Variants in CDKN2A observed in about 807,000 individuals in gnomAD.
CDKN2A encodes cyclin-dependent kinase inhibitor 2A.
In CDKN2A, 3 loss-of-function variants were observed where a neutral mutation model predicts 11.1. The ratio of observed to expected loss-of-function variants is 0.27; its 90% CI spans 0.12 to 0.70. The LOEUF (loss-of-function observed/expected upper bound fraction) is 0.70. Ranked by LOEUF, CDKN2A falls within the 30% of genes least tolerant of loss-of-function variation. CDKN2A has a pLI of 0.77. For missense variants in CDKN2A, 265 were observed against 233.6 expected (o/e 1.13, Z -0.88); for synonymous variants, 122 against 108.1 (o/e 1.13, Z -0.80).
upstream of CDKN2A, among the ~76,000 whole-genome samples, chr9:21,976,522 C>G (rs1820035400): frequency 6.6e-6 from 1 of 152,068 alleles, no homozygotes; most frequent in Non-Finnish European, 1.5e-5. Context: ...TCGAGACAAG[C>G]CTGACCAACA....
chr9:21,985,977 T>C (rs1291223244), intron 2 of CDKN2A, among the ~76,000 whole-genome samples: 2 of 152,020 alleles, frequency 1.3e-5, no homozygotes, highest in Non-Finnish European at 2.9e-5. Context: ...CATAGTTTAA[T>C]TAGGCACTAT....
At chr9:21,992,776 C>G (rs1205113228) in intron 2 of CDKN2A, among the ~76,000 whole-genome samples, 1 of 151,756 alleles carries the variant, frequency 6.6e-6, no homozygotes, top group East Asian at 1.9e-4. Flanking sequence ...ATATTAAGAA[C>G]TATATTCATA....
intron 2 of CDKN2A, among the ~76,000 whole-genome samples, chr9:21,993,373 A>G (rs1413890182): frequency 1.3e-5 from 2 of 152,194 alleles, no homozygotes; most frequent in Non-Finnish European, 2.9e-5. Context: ...TCATTTTTAA[A>G]CTGTGCTAAC....
intron 1 of CDKN2A, among the ~76,000 whole-genome samples, chr9:21,973,884 C>G (rs1408250617): frequency 6.6e-6 from 1 of 152,068 alleles, no homozygotes; most frequent in Non-Finnish European, 1.5e-5. Context: ...ATTTTTCTCT[C>G]TCTCTTTCTC....
At position 21,971,431 on chromosome 9, in the gene CDKN2A, C is replaced by CAA; in HGVS notation, c.151-224_151-223insTT. ...ATCCTCCGAACTTCTGCGGAGCTGT[C>CAA]GTCACAGGCAGAGAGCACTGTGAGG... On this transcript the variant is annotated intron_variant, in intron 1 of 2. Transcript: ENST00000304494. The CAA allele has an allele frequency of 3.6e-6, 5 of 1,399,328 alleles. No individual in the cohort carries two copies. In the African/African-American group the frequency reaches 4.3e-5, roughly 12 times the overall value. The allele number at this position is 1,399,328 out of a possible 1,614,324, so 86.7% of individuals were successfully genotyped here.
At chr9:21,977,904 C>T (rs1820079351), upstream of CDKN2A, among the ~76,000 whole-genome samples, 1 of 151,874 alleles carries the variant, frequency 6.6e-6, no homozygotes, top group South Asian at 2.1e-4. Flanking sequence ...ATATATATAG[C>T]TATTGGTGAA....
chr9:21,992,575 C>G (rs1235520289), intron 2 of CDKN2A: 2 of 426,316 alleles, frequency 4.7e-6, no homozygotes, highest in Non-Finnish European at 6.3e-6. Context: ...AATATTTTCT[C>G]TAACTTAAAA....
intron 2 of CDKN2A, among the ~76,000 whole-genome samples, chr9:21,983,166 A>C (rs1041773250): frequency 1.3e-5 from 2 of 152,192 alleles, no homozygotes; most frequent in East Asian, 3.9e-4. Flanking sequence ...GAACTCAAAG[A>C]CACGCAAAGT....
Position 21,968,135 on chromosome 9 carries a change from G to T in CDKN2A, c.*94C>A, listed in dbSNP as rs2131078708. On this transcript the variant is annotated 3_prime_UTR_variant, in exon 3 of 3. Transcript: ENST00000304494. The surrounding 1 kb of genome is among the most constrained non-coding windows in gnomAD (Gnocchi z 4.7). ...TTCTAAATGAAAACTACGAAAGCGGGGTGGGTTGTGGCGGGGGCAGTTGTG... is the reference window on the plus strand; with the variant it reads ...TTCTAAATGAAAACTACGAAAGCGGTGTGGGTTGTGGCGGGGGCAGTTGTG... The T allele has an allele frequency of 9.6e-7, 1 of 1,042,326 alleles. No individual in the cohort carries two copies. Among genetic ancestry groups the T allele is most frequent in the Non-Finnish European group, 1.5e-6 (1 of 657,864 alleles). 64.6% of individuals were successfully genotyped at this position (1,042,326 alleles called of 1,614,324 possible).
intron 2 of CDKN2A, among the ~76,000 whole-genome samples, chr9:21,987,440 G>C (rs199863630): frequency 0.74 from 91,699 of 124,374 alleles, 33,092 homozygotes; most frequent in East Asian, 0.96. Flanking sequence ...CACAGAGAGA[G>C]AGAGAGAGAG....
intron 1 of CDKN2A, among the ~76,000 whole-genome samples, chr9:21,973,208 A>T (rs924326192): frequency 1.3e-5 from 2 of 152,236 alleles, no homozygotes; most frequent in Non-Finnish European, 2.9e-5. Context: ...AAATATTTAA[A>T]TCATGATAGA....
chr9:21,992,289 T>C, intron 2 of CDKN2A: 1 of 879,920 alleles, frequency 1.1e-6, no homozygotes, highest in South Asian at 5.2e-5. Context: ...GGGCATAAAA[T>C]ATATTAATGT....
At chr9:21,994,616 G>A in intron 1 of CDKN2A, 1 of 503,992 alleles carries the variant, frequency 2.0e-6, no homozygotes, top group Non-Finnish European at 3.1e-6. Context: ...CCGTAGGGAG[G>A]CGCGCGCGCG....
upstream of CDKN2A, among the ~76,000 whole-genome samples, chr9:21,975,863 C>T (rs1172361321): frequency 1.3e-5 from 2 of 152,198 alleles, no homozygotes; most frequent in African/African-American, 4.8e-5. Flanking sequence ...ACACTTCTCA[C>T]ATTTCTCTTT....
chr9:21,970,198 A>C (rs765050300), intron 2 of CDKN2A: 1 of 241,130 alleles, frequency 4.1e-6, no homozygotes, highest in African/African-American at 2.2e-5. Context: ...TTGAGATCAC[A>C]AAAAGGAAAG....
intron 2 of CDKN2A, among the ~76,000 whole-genome samples, chr9:21,982,548 A>T (rs1474523950): frequency 6.6e-6 from 1 of 152,072 alleles, no homozygotes; most frequent in East Asian, 1.9e-4. Flanking sequence ...TGATCAGCTG[A>T]GAACACTAAA....
chr9:21,995,029 C>T lies in CDKN2A; in HGVS notation c.-384G>A, dbSNP rs1820578466. 6.6e-6 allele frequency: 1 copy of T among 152,258 alleles called. No individual in the cohort carries two copies. Among genetic ancestry groups the T allele is most frequent in the South Asian group, 2.1e-4 (1 of 4,832 alleles). The allele number at this position is 152,258 out of a possible 1,614,324, so 9.4% of individuals were successfully genotyped here. Reference sequence around the variant, plus strand: ...TGAATGTCAGTTTTGAACTAAAAGCCGCTCCGCTCCTCTTCTAGATTTGGA... The same window carrying T: ...TGAATGTCAGTTTTGAACTAAAAGCTGCTCCGCTCCTCTTCTAGATTTGGA... On this transcript the variant is annotated 5_prime_UTR_variant, in exon 1 of 4. Transcript: ENST00000494262. The surrounding 1 kb of genome is among the most constrained non-coding windows in gnomAD (Gnocchi z 5.7).
intron 2 of CDKN2A, among the ~76,000 whole-genome samples, chr9:21,969,980 G>A (rs1819627466): frequency 6.6e-6 from 1 of 152,070 alleles, no homozygotes; most frequent in Admixed American, 6.5e-5. Context: ...CCCGTTCTGG[G>A]CCAAAATAAG....
At chr9:21,982,901 T>C in intron 2 of CDKN2A, among the ~76,000 whole-genome samples, 1 of 151,836 alleles carries the variant, frequency 6.6e-6, no homozygotes, top group Non-Finnish European at 1.5e-5. Context: ...GCTTAAGTAA[T>C]AAGGAAAAGA....
Sources: gnomAD v4.1 joint callset for allele counts (sites outside exome capture counted in the v4.1 genomes callset) on GRCh38, gnomAD v4.1.1 for gene constraint, Gnocchi (gnomAD v3.1) non-coding constraint, MANE v1.5 for transcripts, NCBI Gene and HGNC (gene_info 2026-07-23, HGNC 2026-07-21) for gene names.